Variants in MYO3B observed in about 807,000 individuals in gnomAD.
The protein encoded by MYO3B is myosin IIIB.
Under a neutral mutation model 174.6 loss-of-function variants are expected in MYO3B, and 156 were observed. That is an observed-to-expected ratio of 0.89 (90% CI 0.78 to 1.02). MYO3B has a LOEUF of 1.02. Among genes scored for constraint, MYO3B ranks in the 50% least tolerant of loss-of-function variants. MYO3B has a pLI of 0.00. For missense variants in MYO3B, 1,632 were observed against 1,639.4 expected (o/e 1.00, Z 0.08); for synonymous variants, 563 against 569.1 (o/e 0.99, Z 0.15).
intron 32 of MYO3B, among the ~76,000 whole-genome samples, chr2:170,569,573 G>A (rs570566952): frequency 1.0e-4 from 15 of 148,198 alleles, no homozygotes; most frequent in South Asian, 6.4e-4. Context: ...ATAGGAAACC[G>A]AGAGTTGGCT....
intron 22 of MYO3B, among the ~76,000 whole-genome samples, chr2:170,427,410 C>T (rs537894673): frequency 6.6e-6 from 1 of 152,292 alleles, no homozygotes; most frequent in South Asian, 2.1e-4. Flanking sequence ...AATGCCTGTG[C>T]TTAAGAATGT....
Position 170,458,337 on chromosome 2 carries a change from A to G in MYO3B, c.2731-5031A>G, listed in dbSNP as rs571935660. Among the ~76,000 whole-genome samples, 13 of 152,344 alleles carry G rather than the reference A, an allele frequency of 8.5e-5. 1 individual carries two copies. The highest frequency in any genetic ancestry group is 3.1e-4 in the African/African-American group (13 of 41,580). On this transcript the variant is annotated intron_variant, in intron 23 of 34. Coordinates refer to ENST00000408978, the MANE Select transcript of MYO3B (RefSeq NM_138995.5). The stretch of plus-strand genomic sequence containing the variant: ...CCATTGACTGAAATGTCCTACTTCT[A>G]TGGCACATGAGTGTAACAGGTGCAT...
chr2:170,608,737 C>G (rs1186099938), intron 32 of MYO3B, among the ~76,000 whole-genome samples: 1 of 152,062 alleles, frequency 6.6e-6, no homozygotes, highest in African/African-American at 2.4e-5. Flanking sequence ...GCACTTCCAG[C>G]CTCTCATGAA....
intron 9 of MYO3B, among the ~76,000 whole-genome samples, chr2:170,379,407 A>G (rs945649760): frequency 6.6e-6 from 1 of 152,030 alleles, no homozygotes; most frequent in East Asian, 1.9e-4. Flanking sequence ...GTTGGCCAGG[A>G]TGGTCTTAAT....
intron 1 of MYO3B, among the ~76,000 whole-genome samples, chr2:170,196,668 TTA>T (rs2092603702): frequency 1.5e-5 from 2 of 133,116 alleles, no homozygotes; most frequent in African/African-American, 2.7e-5. Context: ...TTTGCAAAAA[TTA>T]TATCAGTGAG....
chr2:170,475,209 C>G (rs1349348095), intron 25 of MYO3B, among the ~76,000 whole-genome samples: 1 of 152,132 alleles, frequency 6.6e-6, no homozygotes, highest in Non-Finnish European at 1.5e-5. Flanking sequence ...CTGCATGTCA[C>G]TATGTCACTT....
chr2:170,521,800 G>A (rs1688684150), intron 30 of MYO3B, among the ~76,000 whole-genome samples: 1 of 151,940 alleles, frequency 6.6e-6, no homozygotes, highest in African/African-American at 2.4e-5. Context: ...TGCTGTCCAG[G>A]TCCACTGCCT....
intron 30 of MYO3B, among the ~76,000 whole-genome samples, chr2:170,531,731 CAA>C (rs1017372332): frequency 4.0e-5 from 6 of 151,596 alleles, no homozygotes; most frequent in Admixed American, 2.0e-4. Flanking sequence ...TAAATGATGA[CAA>C]AAGAGTATAA....
chr2:170,499,933 C>CCCTTCCTT lies in MYO3B; in HGVS notation c.3289+135_3289+142dup, dbSNP rs1179164017. 124 of 696,854 alleles carry CCCTTCCTT rather than the reference C, an allele frequency of 1.8e-4. 1 individual carries two copies. In the African/African-American group the frequency reaches 1.9e-3, roughly 11 times the overall value. The allele number at this position is 696,854 out of a possible 1,614,324, so 43.2% of individuals were successfully genotyped here. A position where few individuals can be genotyped will look rare whatever the true frequency, so the allele number is the denominator to read the frequency against. On this transcript the variant is annotated intron_variant, in intron 27 of 34. Transcript: ENST00000408978. ...TCCCTTCCTTCTCCCCTCCCTCCCTCCCTTCCTTCCTTCCTTCTTTCCTTC... is the reference window on the plus strand; with the variant it reads ...TCCCTTCCTTCTCCCCTCCCTCCCTCCCTTCCTTCCTTCCTTCCTTCCTTCTTTCCTTC...
At chr2:170,241,601 C>A (rs1050802200) in intron 7 of MYO3B, among the ~76,000 whole-genome samples, 2 of 152,108 alleles carry the variant, frequency 1.3e-5, no homozygotes, top group African/African-American at 4.8e-5. Flanking sequence ...AAAGGTGAAA[C>A]GGAGAGAGTT....
chr2:170,510,783 C>G (rs556342400), intron 28 of MYO3B, among the ~76,000 whole-genome samples: 1 of 152,040 alleles, frequency 6.6e-6, no homozygotes, highest in Non-Finnish European at 1.5e-5. Context: ...ATAGTCTTAC[C>G]TCTTCCAGAG....
intron 25 of MYO3B, among the ~76,000 whole-genome samples, chr2:170,471,088 T>A (rs189295697): frequency 3.1e-4 from 47 of 152,128 alleles, no homozygotes; most frequent in Non-Finnish European, 5.0e-4. Context: ...TCTCATTCTG[T>A]CACCCAGGCT....
intron 1 of MYO3B, among the ~76,000 whole-genome samples, chr2:170,196,863 A>G (rs1054252639): frequency 2.6e-5 from 4 of 152,176 alleles, no homozygotes; most frequent in Non-Finnish European, 5.9e-5. Context: ...CCAGGCTAGG[A>G]GAAGGAGAGG....
At chr2:170,542,989 A>C (rs756845894) in intron 31 of MYO3B, 23 bp downstream of exon 31, 2 of 1,595,100 alleles carry the variant, frequency 1.3e-6, no homozygotes, top group Non-Finnish European at 1.7e-6. Flanking sequence ...CTTGATTCCA[A>C]AGTAAATGTG....
At chr2:170,257,173 T>C (rs2093311650) in intron 7 of MYO3B, among the ~76,000 whole-genome samples, 1 of 152,000 alleles carries the variant, frequency 6.6e-6, no homozygotes, top group Non-Finnish European at 1.5e-5. Context: ...CCACTGACAG[T>C]GTTAGATCAT....
At chr2:170,568,443 G>C (rs1692215484) in intron 32 of MYO3B, among the ~76,000 whole-genome samples, 2 of 152,202 alleles carry the variant, frequency 1.3e-5, no homozygotes, top group Non-Finnish European at 2.9e-5. Flanking sequence ...CAGGAGTGAA[G>C]GCATATGGAG....
chr2:170,449,229 T>G (rs1171625412), intron 23 of MYO3B, among the ~76,000 whole-genome samples: 1 of 152,188 alleles, frequency 6.6e-6, no homozygotes, highest in Non-Finnish European at 1.5e-5. Context: ...TAAGTCAACT[T>G]TGATTATTTA....
chr2:170,316,723 A>G (rs905654606), intron 7 of MYO3B, among the ~76,000 whole-genome samples: 8 of 152,238 alleles, frequency 5.3e-5, no homozygotes, highest in African/African-American at 1.9e-4. Context: ...CACAGTATCT[A>G]TAACTCAGTC....
At chr2:170,489,402 T>G (rs1575063058) in intron 25 of MYO3B, among the ~76,000 whole-genome samples, 1 of 152,106 alleles carries the variant, frequency 6.6e-6, no homozygotes, top group East Asian at 1.9e-4. Flanking sequence ...ATCCCCAGTG[T>G]GCGGTGCAGA....
Sources: gnomAD v4.1 joint callset for allele counts (sites outside exome capture counted in the v4.1 genomes callset) on GRCh38, gnomAD v4.1.1 for gene constraint, MANE v1.5 for transcripts, NCBI Gene and HGNC (gene_info 2026-07-23, HGNC 2026-07-21) for gene names.